Variants in PIGK observed in about 807,000 individuals in gnomAD.
The protein encoded by PIGK is phosphatidylinositol glycan anchor biosynthesis class K.
Under a neutral mutation model 50.6 loss-of-function variants are expected in PIGK, and 42 were observed. That is an observed-to-expected ratio of 0.83 (90% CI 0.65 to 1.07). PIGK has a LOEUF of 1.07. PIGK is among the 50% of genes least tolerant of loss of function. The pLI is 0.00. For missense variants in PIGK, 448 were observed against 488.7 expected (o/e 0.92, Z 0.78); for synonymous variants, 151 against 156.0 (o/e 0.97, Z 0.24).
intron 9 of PIGK, among the ~76,000 whole-genome samples, chr1:77,147,547 T>C (rs958758873): frequency 2.6e-5 from 4 of 152,208 alleles, no homozygotes; most frequent in African/African-American, 9.7e-5. Context: ...TGTGCAAAAT[T>C]TTTACAGTCA....
chr1:77,104,959 G>A (rs956933328), intron 10 of PIGK, among the ~76,000 whole-genome samples: 10 of 152,170 alleles, frequency 6.6e-5, no homozygotes, highest in Non-Finnish European at 1.5e-4. Context: ...TGGAGCAACG[G>A]GGCGACTTCC....
chr1:77,190,991 G>A (rs888694453), intron 3 of PIGK, among the ~76,000 whole-genome samples: 2 of 152,164 alleles, frequency 1.3e-5, no homozygotes, highest in Non-Finnish European at 2.9e-5. Flanking sequence ...TTCCTCTCAG[G>A]ATGAAAATCA....
chr1:77,124,407 G>A (rs1200131638), intron 9 of PIGK, among the ~76,000 whole-genome samples: 2 of 151,976 alleles, frequency 1.3e-5, no homozygotes, highest in Non-Finnish European at 2.9e-5. Context: ...TCAGGAATTC[G>A]AGACCAGCCT....
At chr1:77,124,356 C>G (rs1654177967) in intron 9 of PIGK, among the ~76,000 whole-genome samples, 1 of 152,114 alleles carries the variant, frequency 6.6e-6, no homozygotes, top group African/African-American at 2.4e-5. Context: ...CGCCTGTAAT[C>G]CCAGCACTTT....
chr1:77,204,357 C>G (rs964580385), intron 3 of PIGK, among the ~76,000 whole-genome samples: 3 of 152,094 alleles, frequency 2.0e-5, no homozygotes, highest in African/African-American at 7.2e-5. Context: ...CTCTCAAACC[C>G]TGCCTCCTGA....
chr1:77,175,203 AT>A (rs1261935898), intron 3 of PIGK, among the ~76,000 whole-genome samples: 1 of 152,194 alleles, frequency 6.6e-6, no homozygotes, highest in Non-Finnish European at 1.5e-5. Flanking sequence ...AAATTGTTCA[AT>A]TTACCTATCT....
At position 77,094,316 on chromosome 1, in the gene PIGK, A is replaced by T. The variant is rs557663096; in HGVS notation, c.1072-1826T>A. Among the ~76,000 whole-genome samples the T allele has an allele frequency of 3.9e-5, 6 of 152,278 alleles. No homozygotes were observed. The South Asian group carries it at 1.0e-3, about 26-fold the overall frequency. ...GGAGTCCCTCATTTATATGGCATTT[A>T]AAAACACTCACAATTAGGTTACTAC... On this transcript the variant is annotated intron_variant, in intron 10 of 10. Coordinates refer to ENST00000370812, the MANE Select transcript of PIGK (RefSeq NM_005482.3).
At chr1:77,215,042 T>C (rs1656521240) in intron 1 of PIGK, among the ~76,000 whole-genome samples, 1 of 152,084 alleles carries the variant, frequency 6.6e-6, no homozygotes, top group South Asian at 2.1e-4. Flanking sequence ...ATTGGAAGAA[T>C]AAATACTGTA....
At chr1:77,213,453 G>A (rs970039432) in intron 1 of PIGK, among the ~76,000 whole-genome samples, 39 of 151,994 alleles carry the variant, frequency 2.6e-4, no homozygotes, top group African/African-American at 8.7e-4. Flanking sequence ...TAAACAACAC[G>A]CTCCTGAACA....
chr1:77,115,698 A>G (rs899207227), intron 10 of PIGK, among the ~76,000 whole-genome samples: 1 of 152,226 alleles, frequency 6.6e-6, no homozygotes, highest in African/African-American at 2.4e-5. Flanking sequence ...ACTTTGCAAG[A>G]TAATCTTCTA....
At chr1:77,207,380 T>A (rs1230871197) in intron 2 of PIGK, among the ~76,000 whole-genome samples, 1 of 152,226 alleles carries the variant, frequency 6.6e-6, no homozygotes, top group East Asian at 1.9e-4. Flanking sequence ...ACAATGCCCA[T>A]AATTTCTTCA....
intron 9 of PIGK, among the ~76,000 whole-genome samples, chr1:77,140,849 T>C (rs1331919163): frequency 6.6e-6 from 1 of 152,160 alleles, no homozygotes; most frequent in African/African-American, 2.4e-5. Context: ...AGTTAGAGCT[T>C]TCCCTTTAGT....
chr1:77,207,663 T>C (rs1487142066), intron 2 of PIGK, among the ~76,000 whole-genome samples: 1 of 152,146 alleles, frequency 6.6e-6, no homozygotes, highest in South Asian at 2.1e-4. Context: ...GTTAGTGTTG[T>C]TCAGAACCCA....
At chr1:77,190,539 C>T (rs2100575600) in intron 3 of PIGK, among the ~76,000 whole-genome samples, 1 of 152,234 alleles carries the variant, frequency 6.6e-6, no homozygotes, top group South Asian at 2.1e-4. Flanking sequence ...TAAAATAAAA[C>T]AGGCTCTTGA....
intron 3 of PIGK, among the ~76,000 whole-genome samples, chr1:77,201,814 T>C (rs1656173404): frequency 6.6e-6 from 1 of 152,140 alleles, no homozygotes; most frequent in Non-Finnish European, 1.5e-5. Context: ...CCCAGCACTT[T>C]GGGAGGTCAA....
intron 3 of PIGK, among the ~76,000 whole-genome samples, chr1:77,191,640 C>T (rs1356503044): frequency 6.6e-6 from 1 of 152,154 alleles, no homozygotes; most frequent in Non-Finnish European, 1.5e-5. Context: ...TTTCTCCAGG[C>T]GGAAAGCAAG....
chr1:77,116,603 T>C lies in PIGK; in HGVS notation c.1071+5672A>G, dbSNP rs544527964. ...GTGTGTGTGTGTGTGTGTGCGCGTGTGTGTGTGTGTGTATGCTTGCTTAAT... is the reference window on the plus strand; with the variant it reads ...GTGTGTGTGTGTGTGTGTGCGCGTGCGTGTGTGTGTGTATGCTTGCTTAAT... On this transcript the variant is annotated intron_variant, in intron 10 of 10. Transcript: ENST00000370812. Among the ~76,000 whole-genome samples, 936 of 146,840 alleles carry C rather than the reference T, an allele frequency of 6.4e-3. 8 individuals carry two copies. The highest frequency in any genetic ancestry group is 0.022 in the African/African-American group (884 of 40,054).
chr1:77,141,531 C>T (rs1250937364), intron 9 of PIGK, among the ~76,000 whole-genome samples: 4 of 151,892 alleles, frequency 2.6e-5, no homozygotes, highest in Non-Finnish European at 5.9e-5. Context: ...AAGTACCAAG[C>T]CTGGAATATC....
intron 10 of PIGK, among the ~76,000 whole-genome samples, chr1:77,118,017 C>T (rs1236155026): frequency 6.6e-6 from 1 of 152,024 alleles, no homozygotes; most frequent in African/African-American, 2.4e-5. Context: ...AAAAATGAAA[C>T]TTTCTGATAA....
Sources: allele counts gnomAD v4.1 joint callset (sites outside exome capture counted in the v4.1 genomes callset), GRCh38; gene constraint gnomAD v4.1.1; transcripts MANE v1.5; gene names NCBI Gene and HGNC (gene_info 2026-07-23, HGNC 2026-07-21).